The following WNT3 variants were observed in gnomAD, a reference collection of about 807,000 sequenced individuals.
The protein encoded by WNT3 is proto-oncogene Wnt-3.
A neutral mutation model predicts 34.2 loss-of-function variants in WNT3; 7 were observed. That is an observed-to-expected ratio of 0.20 (90% CI 0.12 to 0.38). The LOEUF (loss-of-function observed/expected upper bound fraction) is 0.38. Ranked by LOEUF, WNT3 falls within the 10% of genes least tolerant of loss-of-function variation. The pLI is 1.00. For synonymous variants in WNT3, 212 were observed against 211.5 expected (o/e 1.00, Z -0.02); for missense variants, 267 against 499.8 (o/e 0.53, Z 4.44).
chr17:46,779,101 A>ACACACC (rs1555683652), intron 1 of WNT3, among the ~76,000 whole-genome samples: 3 of 139,976 alleles, frequency 2.1e-5, no homozygotes, highest in Non-Finnish European at 4.5e-5. Flanking sequence ...ACACACACAC[A>ACACACC]CACCCCAGCC....
chr17:46,816,237 A>G (rs1427602108), intron 1 of WNT3, among the ~76,000 whole-genome samples: 1 of 151,942 alleles, frequency 6.6e-6, no homozygotes, highest in Non-Finnish European at 1.5e-5. Flanking sequence ...ATGGGCAAAG[A>G]TACTTCTAGA....
At chr17:46,781,747 G>A (rs2059463033) in intron 1 of WNT3, among the ~76,000 whole-genome samples, 1 of 152,116 alleles carries the variant, frequency 6.6e-6, no homozygotes, top group Non-Finnish European at 1.5e-5. Context: ...ATCAAAGGAG[G>A]GATGGTGCTT....
intron 1 of WNT3, among the ~76,000 whole-genome samples, chr17:46,811,544 C>T (rs2084275839): frequency 6.6e-6 from 1 of 152,162 alleles, no homozygotes; most frequent in Admixed American, 6.5e-5. Context: ...TCTCTCCAGC[C>T]CCCATGGCCC....
chr17:46,779,189 G>A (rs528283279), intron 1 of WNT3, among the ~76,000 whole-genome samples: 313 of 151,930 alleles, frequency 2.1e-3, no homozygotes, highest in Non-Finnish European at 3.4e-3. Context: ...CTCTTCCAAA[G>A]GACGAGCCTG....
intron 1 of WNT3, among the ~76,000 whole-genome samples, chr17:46,792,916 C>A (rs989377573): frequency 1.3e-5 from 2 of 151,846 alleles, no homozygotes; most frequent in African/African-American, 4.8e-5. Context: ...TCAGAGAGGC[C>A]AAGTGACTCG....
At position 46,802,998 on chromosome 17, in the gene WNT3, G is replaced by T. The variant is rs866911898; in HGVS notation, c.80+15520C>A. 4.6e-5 allele frequency among the ~76,000 whole-genome samples: 7 copies of T among 152,334 alleles called. No homozygotes were observed. The South Asian group carries it at 1.5e-3, about 32-fold the overall frequency. ...GTAAAGCAGCCTGGGGCTTGGGATT[G>T]CTACTGGAAGTGGGAGGCTGTCCTG... On this transcript the variant is annotated intron_variant, in intron 1 of 4. Coordinates refer to ENST00000225512, the MANE Select transcript of WNT3 (RefSeq NM_030753.5).
intron 1 of WNT3, among the ~76,000 whole-genome samples, chr17:46,812,750 A>C (rs1423951571): frequency 6.6e-6 from 1 of 152,234 alleles, no homozygotes. Context: ...CAGGTGGGGC[A>C]AATCTGGGAG....
chr17:46,785,781 G>A, intron 1 of WNT3, among the ~76,000 whole-genome samples: 1 of 152,190 alleles, frequency 6.6e-6, no homozygotes, highest in East Asian at 1.9e-4. Flanking sequence ...TCAGAGGGAA[G>A]AGGCTGCGGG....
chr17:46,815,714 CA>C (rs1001056668), intron 1 of WNT3, among the ~76,000 whole-genome samples: 6 of 152,172 alleles, frequency 3.9e-5, no homozygotes, highest in African/African-American at 1.4e-4. Context: ...AGTGCCTGGA[CA>C]GACAGGACAA....
chr17:46,809,346 T>C (rs1032622907), intron 1 of WNT3, among the ~76,000 whole-genome samples: 3 of 152,150 alleles, frequency 2.0e-5, no homozygotes, highest in African/African-American at 7.2e-5. Flanking sequence ...CCTGCGAGAT[T>C]GGTTTTCCTT....
chr17:46,792,245 G>A (rs1435178345), intron 1 of WNT3, among the ~76,000 whole-genome samples: 1 of 152,220 alleles, frequency 6.6e-6, no homozygotes, highest in Non-Finnish European at 1.5e-5. Context: ...GGGAGGAGGT[G>A]TCCTCCAGAG....
intron 4 of WNT3, among the ~76,000 whole-genome samples, chr17:46,767,862 C>T (rs1000631499): frequency 6.6e-6 from 1 of 152,008 alleles, no homozygotes; most frequent in Admixed American, 6.6e-5. Context: ...AATCTCAGTT[C>T]ATTGCAACCT....
intron 1 of WNT3, among the ~76,000 whole-genome samples, chr17:46,781,406 C>G (rs2146401528): frequency 6.7e-6 from 1 of 149,160 alleles, no homozygotes; most frequent in Middle Eastern, 3.4e-3. Context: ...GAGTAAGACT[C>G]TGTCTCAAAA....
At chr17:46,778,786 C>T (rs745777968) in intron 1 of WNT3, among the ~76,000 whole-genome samples, 1 of 152,040 alleles carries the variant, frequency 6.6e-6, no homozygotes, top group Non-Finnish European at 1.5e-5. Context: ...GCTCGAAGCA[C>T]CTCTCCACTG....
At chr17:46,816,475 G>GCGCACACACA (rs1555689352) in intron 1 of WNT3, among the ~76,000 whole-genome samples, 1 of 144,244 alleles carries the variant, frequency 6.9e-6, no homozygotes, top group Non-Finnish European at 1.5e-5. Flanking sequence ...CAGAACACAC[G>GCGCACACACA]CACACACACA....
chr17:46,771,356 T>TG (rs1049511788), intron 2 of WNT3, among the ~76,000 whole-genome samples: 1 of 151,346 alleles, frequency 6.6e-6, no homozygotes, highest in African/African-American at 2.4e-5. Flanking sequence ...GCCCCAGCCC[T>TG]GGGGGCGCCT....
At position 46,762,847 on chromosome 17, in the gene WNT3, A is replaced by G. The variant is rs920243350; in HGVS notation, c.*1783T>C. 1 of 152,284 alleles carries G rather than the reference A, an allele frequency of 6.6e-6. No homozygotes were observed. Among genetic ancestry groups the G allele is most frequent in the Middle Eastern group, 3.4e-3 (1 of 292 alleles). 9.4% of individuals were successfully genotyped at this position (152,284 alleles called of 1,614,324 possible). ...AGCTACTTGAATACGCCCCAGAAACATGACTTTATCACTTTTAATATAGAA... is the reference window on the plus strand; with the variant it reads ...AGCTACTTGAATACGCCCCAGAAACGTGACTTTATCACTTTTAATATAGAA... On this transcript the variant is annotated 3_prime_UTR_variant, in exon 5 of 5. Transcript: ENST00000225512.
At chr17:46,798,812 G>A (rs1264067518) in intron 1 of WNT3, among the ~76,000 whole-genome samples, 1 of 152,198 alleles carries the variant, frequency 6.6e-6, no homozygotes, top group Non-Finnish European at 1.5e-5. Flanking sequence ...CACTTTGGGA[G>A]GCCAAGGCGG....
At chr17:46,802,115 C>T (rs370513602) in intron 1 of WNT3, among the ~76,000 whole-genome samples, 2 of 152,158 alleles carry the variant, frequency 1.3e-5, no homozygotes, top group Admixed American at 6.5e-5. Context: ...AGTTTCCCAG[C>T]GTACAACTCC....
Sources: allele counts gnomAD v4.1 joint callset (sites outside exome capture counted in the v4.1 genomes callset), GRCh38; gene constraint gnomAD v4.1.1; transcripts MANE v1.5; gene names NCBI Gene and HGNC (gene_info 2026-07-23, HGNC 2026-07-21).